DCDC1: variants seen among roughly 807,000 people sequenced by gnomAD.
DCDC1 encodes doublecortin domain-containing protein 1.
Under a neutral mutation model 178.3 loss-of-function variants are expected in DCDC1, and 200 were observed. That is an observed-to-expected ratio of 1.12 (90% confidence interval 1.00 to 1.26). DCDC1 has a LOEUF of 1.26. DCDC1 is among the 50% of genes most tolerant of loss of function. DCDC1 has a pLI of 0.00. For missense variants in DCDC1, 1,983 were observed against 1,749.2 expected (o/e 1.13, Z -2.38); for synonymous variants, 690 against 604.8 (o/e 1.14, Z -2.07).
At chr11:30,936,962 G>T (rs928928251) in intron 21 of DCDC1, among the ~76,000 whole-genome samples, 29 of 152,120 alleles carry the variant, frequency 1.9e-4, no homozygotes, top group Non-Finnish European at 5.9e-5. Context: ...ATCTGTAAGG[G>T]TGTGATTTTT....
At chr11:31,174,399 G>A (rs374399809) in intron 9 of DCDC1, among the ~76,000 whole-genome samples, 3 of 152,182 alleles carry the variant, frequency 2.0e-5, no homozygotes, top group East Asian at 1.9e-4. Flanking sequence ...CTGGACTTTG[G>A]GCACCAACCA....
intron 9 of DCDC1, among the ~76,000 whole-genome samples, chr11:31,146,481 G>GT (rs1450191464): frequency 6.6e-6 from 1 of 152,176 alleles, no homozygotes; most frequent in Non-Finnish European, 1.5e-5. Context: ...GGAAGAAGGG[G>GT]TTGTGTGGCT....
chr11:31,297,130 ACTCTTC>A (rs1947746046), intron 6 of DCDC1, among the ~76,000 whole-genome samples: 1 of 152,008 alleles, frequency 6.6e-6, no homozygotes, highest in Admixed American at 6.6e-5. Context: ...ACAGAATCTG[ACTCTTC>A]CATGCCAACA....
intron 20 of DCDC1, among the ~76,000 whole-genome samples, chr11:31,046,144 A>C (rs1175461560): frequency 6.6e-6 from 1 of 152,100 alleles, no homozygotes; most frequent in African/African-American, 2.4e-5. Context: ...GAAACCACTA[A>C]CCTGTTCTCC....
intron 9 of DCDC1, among the ~76,000 whole-genome samples, chr11:31,200,813 G>A (rs1971209876): frequency 6.6e-6 from 1 of 151,642 alleles, no homozygotes; most frequent in South Asian, 2.1e-4. Context: ...TATTGGTGAG[G>A]TTTTGTTATT....
At chr11:31,247,261 A>C (rs938904897) in intron 8 of DCDC1, among the ~76,000 whole-genome samples, 2 of 151,966 alleles carry the variant, frequency 1.3e-5, no homozygotes, top group Admixed American at 1.3e-4. Context: ...CATTTTGAAA[A>C]TGCAGCCTGA....
intron 7 of DCDC1, among the ~76,000 whole-genome samples, chr11:31,280,333 T>A (rs1946334647): frequency 6.6e-6 from 1 of 152,208 alleles, no homozygotes; most frequent in East Asian, 1.9e-4. Context: ...ACCAGTTACA[T>A]ACATCTAAAT....
At chr11:30,940,107 T>G (rs1419943299) in intron 21 of DCDC1, among the ~76,000 whole-genome samples, 1 of 152,232 alleles carries the variant, frequency 6.6e-6, no homozygotes, top group Non-Finnish European at 1.5e-5. Context: ...TATTCATATC[T>G]TTTATTCTTG....
chr11:30,887,376 T>A (rs934360321), intron 36 of DCDC1, among the ~76,000 whole-genome samples: 5 of 152,230 alleles, frequency 3.3e-5, no homozygotes, highest in Non-Finnish European at 5.9e-5. Context: ...TGTGATGCTT[T>A]AGGCACTAAA....
chr11:31,230,622 A>G (rs1454684498), intron 9 of DCDC1, among the ~76,000 whole-genome samples: 2 of 152,150 alleles, frequency 1.3e-5, no homozygotes, highest in African/African-American at 4.8e-5. Context: ...TCAAAGGACC[A>G]CCTTTCTCTC....
chr11:31,333,533 T>G (rs1386041004), intron 2 of DCDC1, among the ~76,000 whole-genome samples: 1 of 152,214 alleles, frequency 6.6e-6, no homozygotes, highest in Non-Finnish European at 1.5e-5. Context: ...TTTCTTTACA[T>G]GTTTAGTGCT....
chr11:30,993,850 A>G (rs932411559), intron 20 of DCDC1, among the ~76,000 whole-genome samples: 1 of 152,180 alleles, frequency 6.6e-6, no homozygotes, highest in Non-Finnish European at 1.5e-5. Context: ...AAAGAAGTGT[A>G]TTGTCAAGTT....
intron 20 of DCDC1, among the ~76,000 whole-genome samples, chr11:31,021,239 A>C (rs1218862975): frequency 1.3e-5 from 2 of 152,200 alleles, no homozygotes; most frequent in Non-Finnish European, 2.9e-5. Flanking sequence ...AATGTATTCT[A>C]TGTATTTATA....
intron 21 of DCDC1, among the ~76,000 whole-genome samples, chr11:30,947,781 C>A (rs564436336): frequency 6.6e-6 from 1 of 152,006 alleles, no homozygotes; most frequent in Non-Finnish European, 1.5e-5. Flanking sequence ...AAAGAGACAA[C>A]CCACAGAATG....
intron 20 of DCDC1, among the ~76,000 whole-genome samples, chr11:31,044,991 A>G (rs1192861846): frequency 6.6e-6 from 1 of 152,174 alleles, no homozygotes; most frequent in African/African-American, 2.4e-5. Context: ...AGATGTTATT[A>G]TACTTTTTGT....
chr11:31,205,224 A>G (rs1231129386), intron 9 of DCDC1, among the ~76,000 whole-genome samples: 1 of 152,146 alleles, frequency 6.6e-6, no homozygotes. Context: ...GTATAAATAA[A>G]GTTTTATTTA....
chr11:31,113,722 G>A (rs182688003), intron 11 of DCDC1, among the ~76,000 whole-genome samples: 17 of 152,086 alleles, frequency 1.1e-4, no homozygotes, highest in East Asian at 3.9e-4. Context: ...TAACCCCATC[G>A]TCTGTAACAT....
At chr11:31,231,002 C>G (rs909981695) in intron 9 of DCDC1, among the ~76,000 whole-genome samples, 3 of 151,872 alleles carry the variant, frequency 2.0e-5, no homozygotes, top group Admixed American at 6.6e-5. Context: ...CTCTGTTGCC[C>G]AGGCTGGAAT....
intron 9 of DCDC1, among the ~76,000 whole-genome samples, chr11:31,185,701 C>T (rs1001378089): frequency 6.6e-6 from 1 of 152,152 alleles, no homozygotes; most frequent in African/African-American, 2.4e-5. Context: ...ATATCCCACA[C>T]CAAGTTTTGT....
Sources: gnomAD v4.1 joint callset for allele counts (sites outside exome capture counted in the v4.1 genomes callset) on GRCh38, gnomAD v4.1.1 for gene constraint, MANE v1.5 for transcripts, NCBI Gene and HGNC (gene_info 2026-07-23, HGNC 2026-07-21) for gene names.